Variants in EPHA3 observed in about 807,000 individuals in gnomAD.
EPHA3 encodes the protein ephrin type-A receptor 3.
In EPHA3, 42 loss-of-function variants were observed where a neutral mutation model predicts 107.1. The ratio of observed to expected loss-of-function variants is 0.39; its 90% CI spans 0.31 to 0.51. The LOEUF (loss-of-function observed/expected upper bound fraction) is 0.51, where lower values mean the gene tolerates loss of function less well. Among genes scored for constraint, EPHA3 ranks in the 20% least tolerant of loss-of-function variants. The pLI, the probability that EPHA3 is intolerant of heterozygous loss-of-function variation, is 0.78. For synonymous variants in EPHA3, 461 were observed against 424.8 expected (o/e 1.09, Z -1.05); for missense variants, 1,183 against 1,211.2 (o/e 0.98, Z 0.35).
chr3:89,112,408 G>A (rs945670873), intron 1 of EPHA3, among the ~76,000 whole-genome samples: 4 of 151,892 alleles, frequency 2.6e-5, no homozygotes, highest in Non-Finnish European at 4.4e-5. Context: ...CATTCTTTAT[G>A]TATTGCCTAC....
chr3:89,335,052 TCTC>T (rs936572089), intron 3 of EPHA3, among the ~76,000 whole-genome samples: 16 of 152,260 alleles, frequency 1.1e-4, no homozygotes, highest in Admixed American at 4.6e-4. Flanking sequence ...ATGAAACTGA[TCTC>T]CTTTTTAAAA....
At chr3:89,213,213 T>C (rs1704147359) in intron 3 of EPHA3, among the ~76,000 whole-genome samples, 1 of 151,988 alleles carries the variant, frequency 6.6e-6, no homozygotes, top group African/African-American at 2.4e-5. Context: ...CATTCCTTTC[T>C]AGTTGTTTTT....
intron 2 of EPHA3, among the ~76,000 whole-genome samples, chr3:89,152,133 A>T (rs1462959197): frequency 7.9e-5 from 12 of 152,072 alleles, no homozygotes; most frequent in African/African-American, 2.7e-4. Context: ...TTTTCTGTGG[A>T]TCACGAAGGT....
At chr3:89,367,699 A>G (rs1315555259) in intron 5 of EPHA3, among the ~76,000 whole-genome samples, 3 of 150,714 alleles carry the variant, frequency 2.0e-5, no homozygotes, top group Non-Finnish European at 4.5e-5. Flanking sequence ...TCTCCTTCCT[A>G]TTCTCCAGGA....
intron 2 of EPHA3, among the ~76,000 whole-genome samples, chr3:89,197,448 A>AT (rs1705864083): frequency 6.6e-5 from 4 of 60,608 alleles, no homozygotes; most frequent in African/African-American, 8.8e-5. Context: ...AAATAAAAAC[A>AT]TAAAAAAACT....
intron 2 of EPHA3, among the ~76,000 whole-genome samples, chr3:89,146,920 A>G (rs1048547874): frequency 3.3e-5 from 5 of 151,934 alleles, no homozygotes; most frequent in African/African-American, 7.2e-5. Context: ...TACAATAGAA[A>G]AACTTGGAAC....
intron 2 of EPHA3, among the ~76,000 whole-genome samples, chr3:89,130,780 GC>G (rs1704190491): frequency 6.6e-6 from 1 of 151,976 alleles, no homozygotes; most frequent in African/African-American, 2.4e-5. Context: ...GACTACAGGC[GC>G]CCGCCACCAC....
At chr3:89,423,440 T>C (rs1438364436) in intron 11 of EPHA3, among the ~76,000 whole-genome samples, 1 of 151,382 alleles carries the variant, frequency 6.6e-6, no homozygotes, top group Non-Finnish European at 1.5e-5. Flanking sequence ...TCTAAAAATA[T>C]TCTAAATTTG....
chr3:89,295,390 T>G (rs145483821), intron 3 of EPHA3, among the ~76,000 whole-genome samples: 76,671 of 151,642 alleles, frequency 0.51, 20,568 homozygotes, highest in African/African-American at 0.69. Context: ...GTGGCACCCT[T>G]CAGCTGTGGC....
At chr3:89,377,414 C>T (rs1343916249) in intron 5 of EPHA3, among the ~76,000 whole-genome samples, 1 of 151,996 alleles carries the variant, frequency 6.6e-6, no homozygotes, top group African/African-American at 2.4e-5. Context: ...TTAAACCAAC[C>T]CATTAAAGCC....
At chr3:89,309,996 G>A (rs1379930890) in intron 3 of EPHA3, among the ~76,000 whole-genome samples, 1 of 151,518 alleles carries the variant, frequency 6.6e-6, no homozygotes, top group African/African-American at 2.4e-5. Flanking sequence ...CATCACCTCA[G>A]AATTAAGATT....
intron 15 of EPHA3, among the ~76,000 whole-genome samples, chr3:89,468,448 T>A (rs1423356912): frequency 1.3e-5 from 2 of 152,228 alleles, no homozygotes; most frequent in East Asian, 3.8e-4. Flanking sequence ...GAAAGAATTC[T>A]GCATTTTGCT....
chr3:89,476,147 A>T (rs112335559), intron 16 of EPHA3, among the ~76,000 whole-genome samples: 27,787 of 147,332 alleles, frequency 0.19, 3,181 homozygotes, highest in Non-Finnish European at 0.25. Context: ...TATTATATAT[A>T]ATATATAATG....
chr3:89,383,933 C>A (rs866439198), intron 5 of EPHA3, among the ~76,000 whole-genome samples: 6 of 152,074 alleles, frequency 3.9e-5, no homozygotes, highest in Admixed American at 3.3e-4. Flanking sequence ...CAGGCGTGAG[C>A]CACCGCACCT....
rs142643550 is a variant in EPHA3, at chr3:89,286,834, A to G, written c.815-54082A>G. Among the ~76,000 whole-genome samples the G allele has an allele frequency of 7.7e-4, 117 of 152,270 alleles. 1 individual carries two copies. The highest frequency in any genetic ancestry group is 2.6e-3 in the African/African-American group (108 of 41,570). Reference sequence around the variant, plus strand: ...TTCACTTCAACATCAAGAGGTATGCATATCAGCAAGTAAAAGCACTTTTCC... The same window carrying G: ...TTCACTTCAACATCAAGAGGTATGCGTATCAGCAAGTAAAAGCACTTTTCC... On this transcript the variant is annotated intron_variant, in intron 3 of 16. Transcript: ENST00000336596.
chr3:89,126,355 G>A (rs1347085105), intron 1 of EPHA3, among the ~76,000 whole-genome samples: 2 of 151,572 alleles, frequency 1.3e-5, no homozygotes, highest in African/African-American at 4.8e-5. Flanking sequence ...GTTATTGATT[G>A]TATTTGAAAT....
intron 1 of EPHA3, among the ~76,000 whole-genome samples, chr3:89,126,133 A>G (rs1486145940): frequency 2.6e-5 from 4 of 151,670 alleles, no homozygotes; most frequent in Non-Finnish European, 5.9e-5. Flanking sequence ...GTTTGTGTAT[A>G]TATGTAACCC....
intron 3 of EPHA3, among the ~76,000 whole-genome samples, chr3:89,257,251 T>C (rs1035158488): frequency 6.6e-6 from 1 of 152,194 alleles, no homozygotes; most frequent in African/African-American, 2.4e-5. Context: ...CTCCACATCC[T>C]ATCTGTGTGG....
intron 13 of EPHA3, among the ~76,000 whole-genome samples, chr3:89,438,903 C>A (rs1402094480): frequency 6.6e-6 from 1 of 152,176 alleles, no homozygotes; most frequent in Non-Finnish European, 1.5e-5. Flanking sequence ...TTCTACCCAT[C>A]TATTTCAGAG....
Sources: allele counts gnomAD v4.1 joint callset (sites outside exome capture counted in the v4.1 genomes callset), GRCh38; gene constraint gnomAD v4.1.1; transcripts MANE v1.5; gene names NCBI Gene and HGNC (gene_info 2026-07-23, HGNC 2026-07-21).